NEURL4: variants seen among roughly 807,000 people sequenced by gnomAD.
NEURL4 encodes the protein neuralized E3 ubiquitin protein ligase 4.
A neutral mutation model predicts 148.0 loss-of-function variants in NEURL4; 45 were observed. The ratio of observed to expected loss-of-function variants is 0.30; its 90% CI spans 0.24 to 0.39. The LOEUF (loss-of-function observed/expected upper bound fraction) is 0.39. NEURL4 is among the 10% of genes least tolerant of loss of function. The probability of loss-of-function intolerance (pLI) is 1.00; values close to 1 mark genes in which losing one functional copy is unlikely to be tolerated. For synonymous variants in NEURL4, 854 were observed against 869.0 expected (o/e 0.98, Z 0.30); for missense variants, 1,776 against 2,144.0 (o/e 0.83, Z 3.39).
intron 28 of NEURL4, among the ~76,000 whole-genome samples, chr17:7,316,943 A>T (rs1162450732): frequency 6.6e-6 from 1 of 152,108 alleles, no homozygotes; most frequent in Non-Finnish European, 1.5e-5. Flanking sequence ...AAAATAAATA[A>T]ATAAATAATA....
rs753848399 is a variant in NEURL4, at chr17:7,326,854, C to A, written c.949G>T (p.Ala317Ser). Residue 317 changes from alanine to serine, a missense_variant, in exon 4 of 29, where the codon GCC becomes TCC. Coordinates refer to ENST00000399464, the MANE Select transcript of NEURL4 (RefSeq NM_032442.3). This position sits in a 1 kb window ranked among gnomAD's most constrained non-coding sequence, Gnocchi z 6.0. ...CCGCACTTTTCATGAAAGAGCAGGGCATCGTTGGAAGTGAGAATGGGCGAG... is the reference window on the plus strand; with the variant it reads ...CCGCACTTTTCATGAAAGAGCAGGGAATCGTTGGAAGTGAGAATGGGCGAG... ...ATSPILTSND[A>S]LLFHEKCGTL... The A allele has an allele frequency of 2.5e-6, 4 of 1,613,776 alleles. No homozygotes were observed. The highest frequency in any genetic ancestry group is 2.2e-5 in the East Asian group (1 of 44,894).
Position 7,322,078 on chromosome 17 carries a change from A to G in NEURL4, c.2726-68T>C. On this transcript the variant is annotated intron_variant, in intron 16 of 28. Transcript: ENST00000399464. The surrounding 1 kb of genome is among the most constrained non-coding windows in gnomAD (Gnocchi z 5.5). The stretch of plus-strand genomic sequence containing the variant: ...GCGAGCTTCAGGCAGAACACAGAGC[A>G]AAGCTTTCAGATGAAACGAAATGGG... 1 of 1,511,278 alleles carries G rather than the reference A, an allele frequency of 6.6e-7. No individual in the cohort carries two copies. Among genetic ancestry groups the G allele is most frequent in the South Asian group, 1.3e-5 (1 of 77,240 alleles). The allele number at this position is 1,511,278 out of a possible 1,614,324, so 93.6% of individuals were successfully genotyped here. A position where few individuals can be genotyped will look rare whatever the true frequency, so the allele number is the denominator to read the frequency against.
chr17:7,324,178 C>A lies in NEURL4; in HGVS notation c.1992G>T (p.Val664=). ...CGACGACAGCATAGACGCCCGGGGG[C>A]ACGTTCCAGGCAGCAGGGCCCTGAG... The part of the protein sequence containing the change: ...GMTQGPAAWN[V]PPGVYAVVDL... The change falls in exon 11 of 29, where the codon GTG becomes GTT. Residue 664 remains valine (V), a synonymous_variant. Coordinates refer to ENST00000399464, the MANE Select transcript of NEURL4 (RefSeq NM_032442.3). The surrounding 1 kb of genome is among the most constrained non-coding windows in gnomAD (Gnocchi z 5.9). 1 of 1,613,772 alleles carries A rather than the reference C, an allele frequency of 6.2e-7. No homozygotes were observed. Among genetic ancestry groups the A allele is most frequent in the Non-Finnish European group, 8.5e-7 (1 of 1,180,018 alleles).
rs1179261927 is a variant in NEURL4 at position 7,325,805 on chromosome 17, AGT to A, written c.1294-94_1294-93del. 4.0e-5 allele frequency: 41 copies of A among 1,032,796 alleles called. 1 individual carries two copies. In the South Asian group the frequency reaches 5.0e-4, roughly 13 times the overall value. 64.0% of individuals were successfully genotyped at this position (1,032,796 alleles called of 1,614,324 possible). A position where few individuals can be genotyped will look rare whatever the true frequency, so the allele number is the denominator to read the frequency against. ...AACAACTCCAGAAGGTATTCGTGAG[AGT>A]CTCAGACCACCCTGGAGGACAGGTC... On this transcript the variant is annotated intron_variant, in intron 6 of 28. Coordinates refer to ENST00000399464, the MANE Select transcript of NEURL4 (RefSeq NM_032442.3).
rs2073094522 is a variant in NEURL4, at chr17:7,325,626, C to G, written c.1366+15G>C. 6.2e-7 allele frequency: 1 copy of G among 1,613,194 alleles called. No homozygotes were observed. The highest frequency in any genetic ancestry group is 8.5e-7 in the Non-Finnish European group (1 of 1,179,560). On this transcript the variant is annotated intron_variant, in intron 7 of 28. Transcript: ENST00000399464. Reference sequence around the variant, plus strand: ...GAAAGCCCCGGCCCAGAGGCTCTCTCTGGGCGGCCCTTACCCTGATCGATA... The same window carrying G: ...GAAAGCCCCGGCCCAGAGGCTCTCTGTGGGCGGCCCTTACCCTGATCGATA...
In NEURL4 at chr17:7,322,805, G is replaced by A. The variant is rs1463550976; in HGVS notation, c.2655C>T (p.Thr885=). ...QCVQVSITNA[T]GPMDNSLATS... ...TCGCCAGGCTGTTGTCCATGGGGCCGGTGGCATTGGTGATGGACACTTGGA... is the reference window on the plus strand; with the variant it reads ...TCGCCAGGCTGTTGTCCATGGGGCCAGTGGCATTGGTGATGGACACTTGGA... Residue 885 remains threonine (T), a synonymous_variant, in exon 16 of 29, where the codon ACC becomes ACT. Coordinates refer to ENST00000399464, the MANE Select transcript of NEURL4 (RefSeq NM_032442.3). The surrounding 1 kb of genome is among the most constrained non-coding windows in gnomAD (Gnocchi z 5.5). The A allele has an allele frequency of 8.1e-6, 13 of 1,613,966 alleles. No homozygotes were observed. Among genetic ancestry groups the A allele is most frequent in the South Asian group, 1.1e-5 (1 of 91,082 alleles).
In NEURL4 at chr17:7,317,801, T is replaced by C; in HGVS notation, c.4192A>G (p.Arg1398Gly). ...REYALPFGWC[R>G]FNLRVNPRLE... ...GCCCATATGTACCTGAGGTTGAACCTGCACCAGCCAAAGGGCAGTGCATAT... is the reference window on the plus strand; with the variant it reads ...GCCCATATGTACCTGAGGTTGAACCCGCACCAGCCAAAGGGCAGTGCATAT... The change falls in exon 26 of 29, where the codon AGG (arginine) becomes GGG (glycine). Residue 1398 changes from arginine to glycine, a missense_variant. Transcript: ENST00000399464. The C allele has an allele frequency of 1.2e-6, 2 of 1,613,666 alleles. No individual in the cohort carries two copies. The highest frequency in any genetic ancestry group is 1.7e-6 in the Non-Finnish European group (2 of 1,180,032).
rs1476051231 is a variant in NEURL4, at chr17:7,318,477, G to GC, written c.3864+17dup. On this transcript the variant is annotated intron_variant, in intron 23 of 28. Transcript: ENST00000399464. The surrounding 1 kb of genome is among the most constrained non-coding windows in gnomAD (Gnocchi z 4.3). ...AGACTCTCAGGCACCCCTCCTCCCT[G>GC]CCCCCACTGCCACTAACCTGCTCAC... The GC allele has an allele frequency of 6.2e-7, 1 of 1,600,120 alleles. No homozygotes were observed. Among genetic ancestry groups the GC allele is most frequent in the Non-Finnish European group, 8.5e-7 (1 of 1,171,568 alleles).
At position 7,327,787 on chromosome 17, in the gene NEURL4, G is replaced by C; in HGVS notation, c.380C>G (p.Ser127Trp). 6.2e-7 allele frequency: 1 copy of C among 1,613,998 alleles called. No individual in the cohort carries two copies. The highest frequency in any genetic ancestry group is 8.5e-7 in the Non-Finnish European group (1 of 1,180,018). ...CACAGAGCAGCCCGACACTACCCAC[G>C]AGCCCCCCTTCAGGCCCGTGGCACT... ...PSSATGLKGG[S>W]WVVSGCSVLR... Residue 127 changes from serine to tryptophan, a missense_variant, in exon 2 of 29, where the codon TCG (serine) becomes TGG (tryptophan). Coordinates refer to ENST00000399464, the MANE Select transcript of NEURL4 (RefSeq NM_032442.3). The surrounding 1 kb of genome is among the most constrained non-coding windows in gnomAD (Gnocchi z 6.6).
chr17:7,325,600 C>G, intron 7 of NEURL4, 41 bp downstream of exon 7: 2 of 1,603,080 alleles, frequency 1.2e-6, no homozygotes, highest in Non-Finnish European at 8.5e-7. Flanking sequence ...CCAGCCCCAC[C>G]GAAAGCCCCG....
In NEURL4 at chr17:7,318,586, A is replaced by G; in HGVS notation, c.3773T>C (p.Leu1258Pro). The change falls in exon 23 of 29, where the codon CTT becomes CCT. Residue 1258 changes from leucine (L) to proline (P), a missense_variant. By Grantham distance (98) the Leu-to-Pro change is moderately conservative. Transcript: ENST00000399464. This position sits in a 1 kb window ranked among gnomAD's most constrained non-coding sequence, Gnocchi z 4.3. ...CCCCTGGTCCACCCCATTAACATGA[A>G]GATGCAGCCCCCCAGAGCTGTCCAG... ...LRLDSSGGLH[L>P]HVNGVDQGVA... 3.1e-6 allele frequency: 5 copies of G among 1,614,072 alleles called. No individual in the cohort carries two copies.
At chr17:7,316,473 T>C in intron 28 of NEURL4, 146 bp from the exon 29 acceptor site, 1 of 651,774 alleles carries the variant, frequency 1.5e-6, no homozygotes, top group Non-Finnish European at 2.7e-6. Flanking sequence ...CTACCTGAAA[T>C]GCTCTTCCTC....
rs3180461 is a variant in NEURL4 at position 7,315,632 on chromosome 17, C to T, written c.*491G>A. ...CGCGAGAGAGAGGCCGAGGCGGAGGCTCTGAGACGGTGTTTATTGGCTCCT... is the reference window on the plus strand; with the variant it reads ...CGCGAGAGAGAGGCCGAGGCGGAGGTTCTGAGACGGTGTTTATTGGCTCCT... On this transcript the variant is annotated 3_prime_UTR_variant, in exon 29 of 29. Coordinates refer to ENST00000399464, the MANE Select transcript of NEURL4 (RefSeq NM_032442.3). The T allele has an allele frequency of 2.5e-6, 1 of 400,630 alleles. No individual in the cohort carries two copies. Among genetic ancestry groups the T allele is most frequent in the Non-Finnish European group, 4.4e-6 (1 of 226,986 alleles). The allele number at this position is 400,630 out of a possible 1,614,324, so 24.8% of individuals were successfully genotyped here.
At chr17:7,316,931 T>A (rs1187066094) in intron 28 of NEURL4, among the ~76,000 whole-genome samples, 4 of 151,712 alleles carry the variant, frequency 2.6e-5, no homozygotes, top group Non-Finnish European at 5.9e-5. Context: ...AAAATAAAAA[T>A]AAAAATAAAT....
rs772511959 is a variant in NEURL4, at chr17:7,317,817, C to A, written c.4176G>T (p.Leu1392=). The A allele has an allele frequency of 6.2e-7, 1 of 1,613,794 alleles. No homozygotes were observed. Among genetic ancestry groups the A allele is most frequent in the African/African-American group, 1.3e-5 (1 of 74,932 alleles). The stretch of plus-strand genomic sequence containing the variant: ...GGTTGAACCTGCACCAGCCAAAGGG[C>A]AGTGCATATTCCCGGGGAGGCTCCC... ...RRGEPPREYA[L]PFGWCRFNLR... is the part of the protein sequence containing the mutation. Residue 1392 remains leucine, a synonymous_variant, in exon 26 of 29, where the codon CTG becomes CTT. Transcript: ENST00000399464.
chr17:7,318,971 G>A lies in NEURL4; in HGVS notation c.3684+79C>T. ...ACCTGTGGTCCTACCTCCAAGGCTAGGGGCCCACTTCTCCCTTCTGGCCAG... is the reference window on the plus strand; with the variant it reads ...ACCTGTGGTCCTACCTCCAAGGCTAAGGGCCCACTTCTCCCTTCTGGCCAG... On this transcript the variant is annotated intron_variant, in intron 22 of 28. Transcript: ENST00000399464. The surrounding 1 kb of genome is among the most constrained non-coding windows in gnomAD (Gnocchi z 4.3). 1 of 1,475,400 alleles carries A rather than the reference G, an allele frequency of 6.8e-7. No homozygotes were observed. Among genetic ancestry groups the A allele is most frequent in the Middle Eastern group, 2.5e-4 (1 of 3,972 alleles). 91.4% of individuals were successfully genotyped at this position (1,475,400 alleles called of 1,614,324 possible).
In NEURL4 at chr17:7,326,629, C is replaced by G. The variant is rs2073106085; in HGVS notation, c.1093-81G>C. ...TCAGCCCTTGGTTCTTCCCCAGGGC[C>G]CACCCTCCTAGCACCAAGGGTCAAT... On this transcript the variant is annotated intron_variant, in intron 4 of 28. Coordinates refer to ENST00000399464, the MANE Select transcript of NEURL4 (RefSeq NM_032442.3). This position sits in a 1 kb window ranked among gnomAD's most constrained non-coding sequence, Gnocchi z 6.0. 6.2e-7 allele frequency: 1 copy of G among 1,603,354 alleles called. No individual in the cohort carries two copies. The highest frequency in any genetic ancestry group is 8.5e-7 in the Non-Finnish European group (1 of 1,171,560).
At position 7,323,475 on chromosome 17, in the gene NEURL4, G is replaced by GA; in HGVS notation, c.2417+9dup. On this transcript the variant is annotated intron_variant, in intron 14 of 28. Transcript: ENST00000399464. Reference sequence around the variant, plus strand: ...AGCCCCAAGCTGGTCCCCAAAGCAGGAAGCCCAACCTCAGCATCCATGTGT... The same window carrying GA: ...AGCCCCAAGCTGGTCCCCAAAGCAGGAAAGCCCAACCTCAGCATCCATGTGT... The GA allele has an allele frequency of 6.2e-7, 1 of 1,614,070 alleles. No individual in the cohort carries two copies. Among genetic ancestry groups the GA allele is most frequent in the Non-Finnish European group, 8.5e-7 (1 of 1,179,952 alleles).
intron 21 of NEURL4, among the ~76,000 whole-genome samples, chr17:7,319,428 AT>A (rs2072998486): frequency 7.4e-6 from 1 of 135,206 alleles, no homozygotes; most frequent in South Asian, 2.3e-4. Context: ...CCAGCCGGGC[AT>A]GGTGACCCAC....
Sources: gnomAD v4.1 joint callset for allele counts (sites outside exome capture counted in the v4.1 genomes callset) on GRCh38, gnomAD v4.1.1 for gene constraint, Gnocchi (gnomAD v3.1) non-coding constraint, MANE v1.5 for transcripts, NCBI Gene and HGNC (gene_info 2026-07-23, HGNC 2026-07-21) for gene names.